ANO2: variants seen among roughly 807,000 people sequenced by gnomAD.
ANO2 encodes anoctamin-2.
A neutral mutation model predicts 124.2 loss-of-function variants in ANO2; 101 were observed. The observed-to-expected ratio is 0.81, with a 90% CI of 0.69 to 0.96. The LOEUF (loss-of-function observed/expected upper bound fraction) is 0.96. ANO2 is among the 40% of genes least tolerant of loss of function. The probability of loss-of-function intolerance (pLI) is 0.00; values close to 1 mark genes in which losing one functional copy is unlikely to be tolerated. For synonymous variants in ANO2, 486 were observed against 482.5 expected (o/e 1.01, Z -0.09); for missense variants, 1,293 against 1,274.5 (o/e 1.01, Z -0.22).
At chr12:5,637,196 T>C (rs9943747) in intron 15 of ANO2, among the ~76,000 whole-genome samples, 57,994 of 151,930 alleles carry the variant, frequency 0.38, 11,512 homozygotes, top group East Asian at 0.66. Context: ...ACTTCCCATT[T>C]CTCTGGGATT....
intron 3 of ANO2, among the ~76,000 whole-genome samples, chr12:5,887,450 T>C (rs1415497578): frequency 1.3e-5 from 2 of 152,216 alleles, no homozygotes; most frequent in African/African-American, 4.8e-5. Flanking sequence ...TGGGGGATGT[T>C]GCTCCTCAGG....
intron 14 of ANO2, among the ~76,000 whole-genome samples, chr12:5,696,825 G>A (rs1188489514): frequency 1.3e-5 from 2 of 152,248 alleles, no homozygotes; most frequent in Non-Finnish European, 2.9e-5. Flanking sequence ...ATTTGCATTA[G>A]TGAAGTTCAG....
chr12:5,616,644 G>T (rs1218815547), intron 16 of ANO2, among the ~76,000 whole-genome samples: 1 of 152,158 alleles, frequency 6.6e-6, no homozygotes, highest in South Asian at 2.1e-4. Context: ...GTCCAGATGA[G>T]ACTAGTGTAT....
intron 4 of ANO2, among the ~76,000 whole-genome samples, chr12:5,851,775 G>A (rs1037929150): frequency 1.3e-5 from 2 of 152,042 alleles, no homozygotes; most frequent in Admixed American, 6.6e-5. Flanking sequence ...GAGGTGGGGG[G>A]TGGAAGGAAG....
chr12:5,795,886 G>C (rs990986652), intron 10 of ANO2, among the ~76,000 whole-genome samples: 2 of 152,140 alleles, frequency 1.3e-5, no homozygotes, highest in African/African-American at 4.8e-5. Context: ...AACCAGAGAA[G>C]TGCAGGCAGA....
intron 1 of ANO2, among the ~76,000 whole-genome samples, chr12:5,932,992 G>T (rs977022086): frequency 6.6e-6 from 1 of 152,198 alleles, no homozygotes; most frequent in African/African-American, 2.4e-5. Flanking sequence ...TGGGCCTCGG[G>T]CCTGGCTGGT....
chr12:5,873,630 G>T (rs575084123), intron 3 of ANO2, among the ~76,000 whole-genome samples: 12 of 152,346 alleles, frequency 7.9e-5, no homozygotes, highest in Non-Finnish European at 1.3e-4. Flanking sequence ...CTCTCTGGCT[G>T]CTCTTGCAGT....
Position 5,835,959 on chromosome 12 carries a change from C to T in ANO2, c.634-3356G>A, listed in dbSNP as rs141292465. On this transcript the variant is annotated intron_variant, in intron 4 of 24. Coordinates refer to ENST00000682330, the MANE Select transcript of ANO2 (RefSeq NM_001364791.2). ...TGACCTGCACTGAGACTATGGAGTT[C>T]ACCATACCATACCCACGTGTCTTTA... Among the ~76,000 whole-genome samples, 992 of 152,318 alleles carry T rather than the reference C, an allele frequency of 6.5e-3. 5 individuals are homozygous for T. Among genetic ancestry groups the T allele is most frequent in the Admixed American group, 0.011 (175 of 15,308 alleles).
chr12:5,716,323 A>C (rs192848276), intron 14 of ANO2, among the ~76,000 whole-genome samples: 1 of 152,132 alleles, frequency 6.6e-6, no homozygotes, highest in Non-Finnish European at 1.5e-5. Context: ...CCTCACACTC[A>C]AGCACTGGAG....
chr12:5,784,808 C>T (rs1388949767), intron 10 of ANO2, among the ~76,000 whole-genome samples: 1 of 152,190 alleles, frequency 6.6e-6, no homozygotes, highest in Non-Finnish European at 1.5e-5. Flanking sequence ...CCCTGGAATC[C>T]AAGAAGTCAG....
chr12:5,727,010 A>G (rs1950467397), intron 14 of ANO2, among the ~76,000 whole-genome samples: 1 of 152,184 alleles, frequency 6.6e-6, no homozygotes, highest in Non-Finnish European at 1.5e-5. Context: ...AGTACAGAGC[A>G]TTTCATTACA....
chr12:5,799,705 A>C (rs993818874), intron 9 of ANO2, 134 bp from the exon 10 acceptor site: 3 of 765,998 alleles, frequency 3.9e-6, no homozygotes, highest in Admixed American at 2.2e-5. Flanking sequence ...ATCCAGGGGG[A>C]GATGTTCAGA....
intron 12 of ANO2, 110 bp from the exon 13 acceptor site, chr12:5,739,509 C>A (rs994823656): frequency 5.7e-6 from 5 of 878,746 alleles, no homozygotes; most frequent in Admixed American, 5.3e-5. Context: ...AATTTAGGAG[C>A]TCTCTTTAAT....
At chr12:5,605,948 C>T (rs1480429715) in intron 19 of ANO2, among the ~76,000 whole-genome samples, 6 of 152,156 alleles carry the variant, frequency 3.9e-5, no homozygotes, top group Non-Finnish European at 7.3e-5. Context: ...TGTCAGGCCC[C>T]AAGAGCCTGG....
chr12:5,723,062 G>A (rs143544689), intron 14 of ANO2, among the ~76,000 whole-genome samples: 5 of 152,320 alleles, frequency 3.3e-5, no homozygotes, highest in African/African-American at 4.8e-5. Flanking sequence ...GTGGATGAGC[G>A]CTTCTGGCTC....
intron 14 of ANO2, among the ~76,000 whole-genome samples, chr12:5,650,472 A>G (rs1249136162): frequency 1.3e-5 from 2 of 152,034 alleles, no homozygotes; most frequent in Non-Finnish European, 2.9e-5. Context: ...GCATTCAGAC[A>G]CTCCCAACAT....
At position 5,900,114 on chromosome 12, in the gene ANO2, T is replaced by G. The variant is rs547351621; in HGVS notation, c.534+20926A>C. 6.6e-5 allele frequency among the ~76,000 whole-genome samples: 10 copies of G among 152,280 alleles called. No individual in the cohort carries two copies. Among genetic ancestry groups the G allele is most frequent in the African/African-American group, 2.4e-4 (10 of 41,542 alleles). ...GTTCCGTTTTTCAGCAGTTCCCCTG[T>G]CACCCAAGTTCTGATGGTCTCTCAT... On this transcript the variant is annotated intron_variant, in intron 3 of 24. Coordinates refer to ENST00000682330, the MANE Select transcript of ANO2 (RefSeq NM_001364791.2). This position sits in a 1 kb window ranked among gnomAD's most constrained non-coding sequence, Gnocchi z 4.2.
chr12:5,884,329 A>C (rs976852023), intron 3 of ANO2, among the ~76,000 whole-genome samples: 1 of 152,202 alleles, frequency 6.6e-6, no homozygotes, highest in Non-Finnish European at 1.5e-5. Context: ...TCCTCTGTCC[A>C]CCTGGCCAGC....
rs374909146 is a variant in ANO2 at position 5,658,808 on chromosome 12, TCAA to T, written c.1546-11010_1546-11008del. On this transcript the variant is annotated intron_variant, in intron 14 of 24. Transcript: ENST00000682330. The surrounding 1 kb of genome is among the most constrained non-coding windows in gnomAD (Gnocchi z 4.3). ...ATCATTGTCATCAATATCATCATCATCAACATCATCATTAAATCATCAGCAGCA... is the reference window on the plus strand; with the variant it reads ...ATCATTGTCATCAATATCATCATCATCATCATCATTAAATCATCAGCAGCA... Among the ~76,000 whole-genome samples, 1,179 of 151,898 alleles carry T rather than the reference TCAA, an allele frequency of 7.8e-3. 23 individuals carry two copies. Among genetic ancestry groups the T allele is most frequent in the African/African-American group, 0.027 (1,102 of 41,208 alleles).
Sources: gnomAD v4.1 joint callset for allele counts (sites outside exome capture counted in the v4.1 genomes callset) on GRCh38, gnomAD v4.1.1 for gene constraint, Gnocchi (gnomAD v3.1) non-coding constraint, MANE v1.5 for transcripts, NCBI Gene and HGNC (gene_info 2026-07-23, HGNC 2026-07-21) for gene names.